Variants in ADAMTS2 observed in about 807,000 individuals in gnomAD.
ADAMTS2 encodes the protein ADAM metallopeptidase with thrombospondin type 1 motif 2.
Under a neutral mutation model 123.0 loss-of-function variants are expected in ADAMTS2, and 50 were observed. That is an observed-to-expected ratio of 0.41 (90% CI 0.32 to 0.51). The LOEUF (loss-of-function observed/expected upper bound fraction) is 0.51. Ranked by LOEUF, ADAMTS2 falls within the 20% of genes least tolerant of loss-of-function variation. The pLI is 0.35. For synonymous variants in ADAMTS2, 678 were observed against 695.4 expected, an observed-to-expected ratio of 0.98 and a Z score of 0.39; for missense variants, 1,494 against 1,705.2, an observed-to-expected ratio of 0.88 and a Z score of 2.18.
chr5:179,187,359 G>A (rs146989960), intron 4 of ADAMTS2, among the ~76,000 whole-genome samples: 78 of 152,320 alleles, frequency 5.1e-4, no homozygotes, highest in African/African-American at 1.6e-3. Context: ...GTGCTCCAGC[G>A]GCTAGCCCGG....
Position 179,191,604 on chromosome 5 carries a change from G to A in ADAMTS2, c.892-10449C>T, listed in dbSNP as rs578044389. Among the ~76,000 whole-genome samples the A allele has an allele frequency of 1.6e-4, 25 of 151,982 alleles. 1 individual carries two copies. Among genetic ancestry groups the A allele is most frequent in the South Asian group, 6.3e-4 (3 of 4,796 alleles). On this transcript the variant is annotated intron_variant, in intron 4 of 21. Transcript: ENST00000251582. ...AGCTGTGGCATCAGGGGACAGGAAC[G>A]GTGTGGGGGAGGGGGCAGCAAGCAG... is the stretch of plus-strand genomic sequence containing the variant.
chr5:179,208,904 G>A lies in ADAMTS2; in HGVS notation c.689-1189C>T, dbSNP rs111688577. On this transcript the variant is annotated intron_variant, in intron 3 of 21. Coordinates refer to ENST00000251582, the MANE Select transcript of ADAMTS2 (RefSeq NM_014244.5). ...TCGTGACATCACTGACCCACAGGGC[G>A]GTGGCCAGGCCCCGAGGCCCCTGCA... Among the ~76,000 whole-genome samples, 53 of 152,264 alleles carry A rather than the reference G, an allele frequency of 3.5e-4. 1 individual carries two copies. Among genetic ancestry groups the A allele is most frequent in the East Asian group, 1.4e-3 (7 of 5,148 alleles).
At chr5:179,217,789 GGC>G (rs1262310791) in intron 3 of ADAMTS2, among the ~76,000 whole-genome samples, 4 of 109,084 alleles carry the variant, frequency 3.7e-5, no homozygotes, top group African/African-American at 9.1e-5. Context: ...ACTAGGGGAT[GGC>G]GCAAGGGGGG....
rs562117795 is a variant in ADAMTS2 at position 179,284,146 on chromosome 5, T to C, written c.535-11082A>G. 8.9e-3 allele frequency among the ~76,000 whole-genome samples: 1,344 copies of C among 150,866 alleles called. 10 individuals are homozygous for C. Among genetic ancestry groups the C allele is most frequent in the Middle Eastern group, 0.014 (4 of 294 alleles). The stretch of plus-strand genomic sequence containing the variant: ...GAGTTCAAGACCAGCCTGGCCAATA[T>C]GGTGAAACCCCGTCTCTACTAAAAA... On this transcript the variant is annotated intron_variant, in intron 2 of 21. Coordinates refer to ENST00000251582, the MANE Select transcript of ADAMTS2 (RefSeq NM_014244.5).
At chr5:179,264,403 T>A (rs1298385810) in intron 3 of ADAMTS2, among the ~76,000 whole-genome samples, 16 of 152,076 alleles carry the variant, frequency 1.1e-4, no homozygotes, top group Non-Finnish European at 2.9e-5. Context: ...GTCACAGACA[T>A]GAAAAGATGC....
intron 3 of ADAMTS2, among the ~76,000 whole-genome samples, chr5:179,271,510 G>A (rs920164071): frequency 2.6e-5 from 4 of 152,254 alleles, no homozygotes; most frequent in Non-Finnish European, 5.9e-5. Flanking sequence ...CGGGTCTGGA[G>A]CACTCGCTCA....
At chr5:179,153,152 T>G (rs1763395394) in intron 9 of ADAMTS2, among the ~76,000 whole-genome samples, 1 of 152,072 alleles carries the variant, frequency 6.6e-6, no homozygotes, top group Non-Finnish European at 1.5e-5. Context: ...GGCCCTCCCT[T>G]CCTGAATGCC....
At chr5:179,149,341 T>A (rs1368789483) in intron 10 of ADAMTS2, among the ~76,000 whole-genome samples, 1 of 152,226 alleles carries the variant, frequency 6.6e-6, no homozygotes, top group African/African-American at 2.4e-5. Context: ...GCTGGCACCC[T>A]GACCTTGGGC....
rs1318988712 is a variant in ADAMTS2 at position 179,197,367 on chromosome 5, AG to A, written c.891+10145del. Among the ~76,000 whole-genome samples the A allele has an allele frequency of 2.6e-5, 4 of 152,186 alleles. No individual in the cohort carries two copies. The highest frequency in any genetic ancestry group is 9.7e-5 in the African/African-American group (4 of 41,446). ...TTTAGTGAAATGCTTGAAGCCACAA[AG>A]GAAGCTTCAGCCTTGGGCCCAAGCT... is the stretch of plus-strand genomic sequence containing the variant. On this transcript the variant is annotated intron_variant, in intron 4 of 21. Transcript: ENST00000251582. This position sits in a 1 kb window ranked among gnomAD's most constrained non-coding sequence, Gnocchi z 4.2.
intron 10 of ADAMTS2, among the ~76,000 whole-genome samples, chr5:179,144,196 G>GA (rs1380987804): frequency 1.3e-5 from 2 of 151,748 alleles, no homozygotes; most frequent in Admixed American, 1.3e-4. Context: ...GCACCAAAAA[G>GA]AAAAAAAGAA....
chr5:179,284,557 T>C (rs1421625921), intron 2 of ADAMTS2, among the ~76,000 whole-genome samples: 2 of 151,894 alleles, frequency 1.3e-5, no homozygotes, highest in Non-Finnish European at 2.9e-5. Flanking sequence ...TGGCTAATTT[T>C]TGCATTTTTA....
At chr5:179,265,939 G>T (rs1561657208) in intron 3 of ADAMTS2, among the ~76,000 whole-genome samples, 1 of 152,360 alleles carries the variant, frequency 6.6e-6, no homozygotes, top group South Asian at 2.1e-4. Flanking sequence ...AGACTCCAGG[G>T]ATCCAGCGCC....
chr5:179,232,219 G>T (rs1304559354), intron 3 of ADAMTS2, among the ~76,000 whole-genome samples: 6 of 152,196 alleles, frequency 3.9e-5, no homozygotes, highest in Non-Finnish European at 8.8e-5. Flanking sequence ...CCTGTGTGCG[G>T]CTGTTACATT....
intron 3 of ADAMTS2, among the ~76,000 whole-genome samples, chr5:179,250,815 A>C (rs891259602): frequency 1.3e-5 from 2 of 152,070 alleles, no homozygotes. Context: ...GGCCAATGTC[A>C]CCCTCTAACG....
chr5:179,173,589 C>T (rs1763870053), intron 5 of ADAMTS2, among the ~76,000 whole-genome samples: 1 of 152,212 alleles, frequency 6.6e-6, no homozygotes, highest in Non-Finnish European at 1.5e-5. Context: ...CTGTTGTTCA[C>T]ATGAGAGATA....
rs1053012965 is a variant in ADAMTS2 at position 179,242,230 on chromosome 5, G to A, written c.688+30681C>T. ...GCCAAGTCCTAGGAGGAGGAGAGAC[G>A]CTGAGCCTTGGCAGCCTCGTGTGGG... On this transcript the variant is annotated intron_variant, in intron 3 of 21. Coordinates refer to ENST00000251582, the MANE Select transcript of ADAMTS2 (RefSeq NM_014244.5). The surrounding 1 kb of genome is among the most constrained non-coding windows in gnomAD (Gnocchi z 4.2). Among the ~76,000 whole-genome samples, 6 of 152,316 alleles carry A rather than the reference G, an allele frequency of 3.9e-5. No individual in the cohort carries two copies. In the South Asian group the frequency reaches 6.2e-4, roughly 16 times the overall value.
intron 3 of ADAMTS2, among the ~76,000 whole-genome samples, chr5:179,241,773 C>T (rs1038470826): frequency 3.3e-5 from 5 of 152,132 alleles, no homozygotes; most frequent in African/African-American, 1.2e-4. Flanking sequence ...CTGAGTATGT[C>T]GAAGAGATTT....
chr5:179,168,856 G>A lies in ADAMTS2; in HGVS notation c.976-9977C>T, dbSNP rs185107488. Among the ~76,000 whole-genome samples, 213 of 152,272 alleles carry A rather than the reference G, an allele frequency of 1.4e-3. 1 individual carries two copies. Among genetic ancestry groups the A allele is most frequent in the South Asian group, 2.3e-3 (11 of 4,818 alleles). On this transcript the variant is annotated intron_variant, in intron 5 of 21. Transcript: ENST00000251582. ...GGGCTTACAGATCAAATCTCATCAC[G>A]ACAGAGAACCACGAGAGCTGGGGCA...
At position 179,136,054 on chromosome 5, in the gene ADAMTS2, G is replaced by A; in HGVS notation, c.1952-12C>T. 6.2e-7 allele frequency: 1 copy of A among 1,613,186 alleles called. No individual in the cohort carries two copies. The highest frequency in any genetic ancestry group is 8.5e-7 in the Non-Finnish European group (1 of 1,180,014). On this transcript the variant is annotated splice_polypyrimidine_tract_variant and intron_variant, in intron 12 of 21. Coordinates refer to ENST00000251582, the MANE Select transcript of ADAMTS2 (RefSeq NM_014244.5). ...GCATCTCTCCTTGGCTGGAAGGGAA[G>A]CAGCTGGGGGTCTGCAAGGAGCCCT...
Sources: gnomAD v4.1 joint callset for allele counts (sites outside exome capture counted in the v4.1 genomes callset) on GRCh38, gnomAD v4.1.1 for gene constraint, Gnocchi (gnomAD v3.1) non-coding constraint, MANE v1.5 for transcripts, NCBI Gene and HGNC (gene_info 2026-07-23, HGNC 2026-07-21) for gene names.